CSMD2: variants seen among roughly 807,000 people sequenced by gnomAD.
CSMD2 encodes the protein CUB and Sushi multiple domains 2, also known as CUB and sushi domain-containing protein 2.
In CSMD2, 130 loss-of-function variants were observed where a neutral mutation model predicts 398.5. The observed-to-expected ratio is 0.33, with a 90% CI of 0.28 to 0.38. The LOEUF is 0.38. Among genes scored for constraint, CSMD2 ranks in the 10% least tolerant of loss-of-function variants. CSMD2 has a pLI of 1.00. For synonymous variants in CSMD2, 1,828 were observed against 1,908.5 expected, an observed-to-expected ratio of 0.96 and a Z score of 1.10; for missense variants, 3,829 against 4,764.9, an observed-to-expected ratio of 0.80 and a Z score of 5.78.
At chr1:33,720,685 T>G (rs1426888170) in intron 19 of CSMD2, among the ~76,000 whole-genome samples, 1 of 152,088 alleles carries the variant, frequency 6.6e-6, no homozygotes, top group African/African-American at 2.4e-5. Context: ...CTGTGCCAGC[T>G]ATTTTATTTT....
intron 3 of CSMD2, among the ~76,000 whole-genome samples, chr1:33,959,216 G>C (rs1645267667): frequency 6.6e-6 from 1 of 152,214 alleles, no homozygotes; most frequent in East Asian, 1.9e-4. Flanking sequence ...AAATGCCACA[G>C]AGAAGGCGTG....
chr1:33,527,963 AG>A (rs1345610811), intron 64 of CSMD2, among the ~76,000 whole-genome samples: 2 of 136,886 alleles, frequency 1.5e-5, no homozygotes, highest in Non-Finnish European at 3.1e-5. Context: ...AAAAAAAAAA[AG>A]TCCTGCCCTC....
intron 25 of CSMD2, among the ~76,000 whole-genome samples, chr1:33,687,040 T>C (rs935222290): frequency 6.6e-6 from 1 of 152,158 alleles, no homozygotes; most frequent in Admixed American, 6.5e-5. Context: ...CCCTCTTTAA[T>C]TACCATCTTA....
chr1:34,035,163 A>G (rs950645348), intron 2 of CSMD2, among the ~76,000 whole-genome samples: 2 of 152,208 alleles, frequency 1.3e-5, no homozygotes, highest in Non-Finnish European at 2.9e-5. Flanking sequence ...AAGTTTCCCA[A>G]TATGAAACAG....
At chr1:33,546,624 G>C (rs1656923769) in intron 56 of CSMD2, among the ~76,000 whole-genome samples, 1 of 152,050 alleles carries the variant, frequency 6.6e-6, no homozygotes, top group South Asian at 2.1e-4. Context: ...TCTTTTGCCT[G>C]AACTCTTGCA....
intron 9 of CSMD2, 25 bp from the exon 10 acceptor site, chr1:33,810,889 CT>C (rs747472190): frequency 6.2e-7 from 1 of 1,606,960 alleles, no homozygotes; most frequent in African/African-American, 1.3e-5. Context: ...AAAGACAAGC[CT>C]TTGAATTAAG....
At chr1:34,076,463 G>A (rs1324703339) in intron 2 of CSMD2, among the ~76,000 whole-genome samples, 1 of 152,156 alleles carries the variant, frequency 6.6e-6, no homozygotes, top group African/African-American at 2.4e-5. Context: ...ATGTTTAGCA[G>A]AATCCCTGGC....
chr1:34,080,513 T>C (rs979593147), intron 2 of CSMD2, among the ~76,000 whole-genome samples: 1 of 152,068 alleles, frequency 6.6e-6, no homozygotes, highest in Non-Finnish European at 1.5e-5. Context: ...GAAATCATAA[T>C]CTAATCATAA....
chr1:33,918,448 T>A, intron 4 of CSMD2, 147 bp from the exon 5 acceptor site: 1 of 705,698 alleles, frequency 1.4e-6, no homozygotes, highest in Non-Finnish European at 2.3e-6. Context: ...CAAATGACTT[T>A]GTTTGGACAA....
At chr1:33,628,658 G>A (rs1277561262) in intron 32 of CSMD2, among the ~76,000 whole-genome samples, 1 of 133,380 alleles carries the variant, frequency 7.5e-6, no homozygotes, top group African/African-American at 3.0e-5. Flanking sequence ...GACAGAGTGA[G>A]ACTCTGTCTC....
At chr1:33,905,340 G>A (rs1643024234) in intron 5 of CSMD2, among the ~76,000 whole-genome samples, 1 of 152,188 alleles carries the variant, frequency 6.6e-6, no homozygotes, top group Non-Finnish European at 1.5e-5. Context: ...AACAGACTAA[G>A]AAGGAATGGC....
At chr1:33,764,601 G>T (rs114568761) in intron 13 of CSMD2, among the ~76,000 whole-genome samples, 3 of 152,324 alleles carry the variant, frequency 2.0e-5, no homozygotes, top group East Asian at 3.9e-4. Context: ...AACCTTGAAA[G>T]AAGTCTAGAG....
intron 2 of CSMD2, among the ~76,000 whole-genome samples, chr1:34,073,295 C>G (rs1186871037): frequency 6.6e-6 from 1 of 152,156 alleles, no homozygotes. Context: ...ATCCATAATG[C>G]CTTTGGCCTC....
intron 6 of CSMD2, among the ~76,000 whole-genome samples, chr1:33,825,982 T>C (rs1022342762): frequency 3.3e-5 from 5 of 152,214 alleles, no homozygotes; most frequent in Admixed American, 2.0e-4. Flanking sequence ...GCTAGCCCTC[T>C]GAGGGAGGCC....
chr1:33,703,260 C>T (rs1488458294), intron 22 of CSMD2, among the ~76,000 whole-genome samples: 2 of 152,208 alleles, frequency 1.3e-5, no homozygotes, highest in South Asian at 2.1e-4. Flanking sequence ...GACTGAGCTA[C>T]ATTAAATGTA....
In CSMD2 at chr1:33,725,436, A is replaced by G. The variant is rs1199215105; in HGVS notation, c.2608T>C (p.Phe870Leu). The part of the protein sequence containing the change: ...GVYHGTQVPQ[F>L]LISTSNYLYL... ...AGGTAGTTGCTGGTGCTGATGAGGA[A>G]CTGGGGAACCTGGGTCCCGTGGTAA... Residue 870 changes from phenylalanine to leucine, a missense_variant, in exon 17 of 71, where the codon TTC (phenylalanine) becomes CTC (leucine). Coordinates refer to ENST00000373381, the MANE Select transcript of CSMD2 (RefSeq NM_001281956.2). The G allele has an allele frequency of 6.2e-7, 1 of 1,614,162 alleles. No homozygotes were observed. Among genetic ancestry groups the G allele is most frequent in the African/African-American group, 1.3e-5 (1 of 75,056 alleles).
chr1:34,023,764 G>A (rs912926254), intron 3 of CSMD2, among the ~76,000 whole-genome samples: 2 of 152,132 alleles, frequency 1.3e-5, no homozygotes, highest in African/African-American at 4.8e-5. Context: ...CTCTTGAAAT[G>A]GAGAGAAAAT....
intron 39 of CSMD2, among the ~76,000 whole-genome samples, chr1:33,615,411 G>A (rs1352172935): frequency 1.3e-5 from 2 of 152,190 alleles, no homozygotes; most frequent in African/African-American, 2.4e-5. Flanking sequence ...GGATTGGCAG[G>A]TCCAGGCAAG....
intron 25 of CSMD2, among the ~76,000 whole-genome samples, chr1:33,672,332 T>C (rs1644532187): frequency 6.6e-6 from 1 of 152,234 alleles, no homozygotes; most frequent in Non-Finnish European, 1.5e-5. Flanking sequence ...ATTCCGCACC[T>C]GGCTCGGAGG....
Sources: gnomAD v4.1 joint callset for allele counts (sites outside exome capture counted in the v4.1 genomes callset) on GRCh38, gnomAD v4.1.1 for gene constraint, MANE v1.5 for transcripts, NCBI Gene and HGNC (gene_info 2026-07-23, HGNC 2026-07-21) for gene names.